The following NBEA variants were observed in gnomAD, a reference collection of about 807,000 sequenced individuals.
The protein encoded by NBEA is lysosomal-trafficking regulator 2.
NBEA carries 44 observed loss-of-function variants against 343.4 expected under a neutral mutation model. The observed-to-expected ratio is 0.13, with a 90% CI of 0.10 to 0.16. NBEA has a LOEUF of 0.16. NBEA is among the 10% of genes least tolerant of loss of function. The pLI, the probability that NBEA is intolerant of heterozygous loss-of-function variation, is 1.00. For synonymous variants in NBEA, 1,175 were observed against 1,238.7 expected (o/e 0.95, Z 1.08); for missense variants, 2,555 against 3,631.3 (o/e 0.70, Z 7.62).
chr13:35,332,929 A>G (rs1034345082), intron 36 of NBEA, among the ~76,000 whole-genome samples: 1 of 152,110 alleles, frequency 6.6e-6, no homozygotes, highest in Non-Finnish European at 1.5e-5. Flanking sequence ...TAGTGCCCCA[A>G]GGGGAAGGAA....
At chr13:35,478,572 C>G (rs1200740257) in intron 41 of NBEA, among the ~76,000 whole-genome samples, 1 of 152,266 alleles carries the variant, frequency 6.6e-6, no homozygotes, top group African/African-American at 2.4e-5. Context: ...CCTCTCTGGG[C>G]TCAAGATCGC....
At chr13:35,006,459 C>T (rs2061321920) in intron 1 of NBEA, among the ~76,000 whole-genome samples, 1 of 152,010 alleles carries the variant, frequency 6.6e-6, no homozygotes, top group Admixed American at 6.6e-5. Context: ...TTAATCTTTT[C>T]CATCTTTTAA....
chr13:35,227,747 A>C (rs1370975690), intron 33 of NBEA, among the ~76,000 whole-genome samples: 4 of 152,064 alleles, frequency 2.6e-5, no homozygotes, highest in Non-Finnish European at 2.9e-5. Context: ...CAAAAAGTAA[A>C]TAAAATCAAA....
chr13:35,075,097 A>T (rs2064055288), intron 10 of NBEA, among the ~76,000 whole-genome samples: 1 of 152,170 alleles, frequency 6.6e-6, no homozygotes, highest in African/African-American at 2.4e-5. Flanking sequence ...CTTGTTCAAG[A>T]TCACAGAGAC....
intron 1 of NBEA, among the ~76,000 whole-genome samples, chr13:34,950,737 C>T (rs2152483210): frequency 6.6e-6 from 1 of 151,988 alleles, no homozygotes; most frequent in East Asian, 1.9e-4. Context: ...TATAAAAATA[C>T]TCACTTTGGC....
At chr13:35,070,425 A>G (rs2063821558) in intron 9 of NBEA, among the ~76,000 whole-genome samples, 1 of 152,136 alleles carries the variant, frequency 6.6e-6, no homozygotes, top group African/African-American at 2.4e-5. Flanking sequence ...AATATTCTCT[A>G]ACATTAAAAT....
intron 13 of NBEA, among the ~76,000 whole-genome samples, chr13:35,114,869 T>A (rs79792903): frequency 0.01 from 1,543 of 152,312 alleles, 30 homozygotes; most frequent in African/African-American, 0.035. Context: ...CTTTTCTAAA[T>A]GACAGCATTT....
chr13:35,554,043 G>A (rs930130588), intron 43 of NBEA, among the ~76,000 whole-genome samples: 3 of 152,124 alleles, frequency 2.0e-5, no homozygotes, highest in Non-Finnish European at 4.4e-5. Flanking sequence ...AAGCTGTGCA[G>A]TTTCCAACAG....
chr13:35,236,386 C>G (rs1188782333), intron 34 of NBEA, among the ~76,000 whole-genome samples: 1 of 151,810 alleles, frequency 6.6e-6, no homozygotes, highest in African/African-American at 2.4e-5. Context: ...TTGTACAGCT[C>G]TTCTTTCTGC....
intron 36 of NBEA, among the ~76,000 whole-genome samples, chr13:35,329,755 A>C (rs554340432): frequency 6.6e-6 from 1 of 152,000 alleles, no homozygotes; most frequent in South Asian, 2.1e-4. Flanking sequence ...ATTAGATGAA[A>C]TATGCATTTG....
chr13:35,102,425 A>G (rs1291187307), intron 11 of NBEA, among the ~76,000 whole-genome samples: 1 of 151,712 alleles, frequency 6.6e-6, no homozygotes. Flanking sequence ...ATATATATAT[A>G]TCAGCTTATC....
chr13:35,056,366 C>CTTAAATA (rs778052648), intron 7 of NBEA, among the ~76,000 whole-genome samples: 4 of 151,764 alleles, frequency 2.6e-5, no homozygotes, highest in African/African-American at 4.8e-5. Flanking sequence ...AGATCAAAAA[C>CTTAAATA]CATGAATCCT....
intron 10 of NBEA, among the ~76,000 whole-genome samples, chr13:35,086,994 A>C (rs904260434): frequency 6.8e-6 from 1 of 147,348 alleles, no homozygotes; most frequent in African/African-American, 2.5e-5. Context: ...TAATGGGGTT[A>C]TTTTTTTTTT....
chr13:35,603,827 G>C (rs1255891548), intron 47 of NBEA, among the ~76,000 whole-genome samples: 1 of 152,198 alleles, frequency 6.6e-6, no homozygotes, highest in African/African-American at 2.4e-5. Context: ...CCTTTAGGGT[G>C]TTATTGCTAT....
At chr13:35,403,553 T>G (rs2043101005) in intron 38 of NBEA, among the ~76,000 whole-genome samples, 1 of 152,254 alleles carries the variant, frequency 6.6e-6, no homozygotes, top group South Asian at 2.1e-4. Flanking sequence ...GCTAGCCATA[T>G]GTAGAAAGCT....
chr13:34,959,957 C>T (rs1430210588), intron 1 of NBEA, among the ~76,000 whole-genome samples: 2 of 152,056 alleles, frequency 1.3e-5, no homozygotes, highest in African/African-American at 4.8e-5. Flanking sequence ...ATTTGCTATA[C>T]TGTACTTTTT....
At chr13:35,175,899 A>G (rs938751875) in intron 27 of NBEA, among the ~76,000 whole-genome samples, 1 of 152,160 alleles carries the variant, frequency 6.6e-6, no homozygotes, top group Non-Finnish European at 1.5e-5. Context: ...TTCTCCTATC[A>G]TGTTGTCTTT....
intron 30 of NBEA, among the ~76,000 whole-genome samples, chr13:35,187,681 T>C (rs1348411449): frequency 6.6e-6 from 1 of 152,006 alleles, no homozygotes; most frequent in East Asian, 1.9e-4. Context: ...ATTTTTACAG[T>C]TTTGCTGCCT....
intron 38 of NBEA, among the ~76,000 whole-genome samples, chr13:35,368,257 A>G (rs2041238221): frequency 6.6e-6 from 1 of 151,576 alleles, no homozygotes; most frequent in Non-Finnish European, 1.5e-5. Flanking sequence ...CTAATTTACT[A>G]TCACTCACAT....
Sources: gnomAD v4.1 joint callset for allele counts (sites outside exome capture counted in the v4.1 genomes callset) on GRCh38, gnomAD v4.1.1 for gene constraint, MANE v1.5 for transcripts, NCBI Gene and HGNC (gene_info 2026-07-23, HGNC 2026-07-21) for gene names.